FMN1: variants seen among roughly 807,000 people sequenced by gnomAD.
FMN1 encodes formin-1.
Under a neutral mutation model 132.4 loss-of-function variants are expected in FMN1, and 110 were observed. That is an observed-to-expected ratio of 0.83 (90% CI 0.71 to 0.97). The LOEUF (loss-of-function observed/expected upper bound fraction) is 0.97, where lower values mean the gene tolerates loss of function less well. Ranked by LOEUF, FMN1 falls within the 50% of genes least tolerant of loss-of-function variation. The pLI is 0.00. For missense variants in FMN1, 1,792 were observed against 1,705.3 expected (o/e 1.05, Z -0.90); for synonymous variants, 722 against 651.7 (o/e 1.11, Z -1.64).
chr15:32,934,667 C>T (rs1181546439), intron 9 of FMN1, among the ~76,000 whole-genome samples: 11 of 143,046 alleles, frequency 7.7e-5, no homozygotes, highest in Non-Finnish European at 1.3e-4. Context: ...AGTGCAATGG[C>T]GCAATCTTGG....
intron 4 of FMN1, among the ~76,000 whole-genome samples, chr15:33,118,778 T>C (rs974064133): frequency 6.6e-6 from 1 of 152,180 alleles, no homozygotes; most frequent in Non-Finnish European, 1.5e-5. Flanking sequence ...TGATACAGCA[T>C]TTTATTACAT....
rs190802781 is a variant in FMN1, at chr15:33,041,341, G to A, written c.2161+23616C>T. Among the ~76,000 whole-genome samples the A allele has an allele frequency of 2.1e-5, 3 of 146,202 alleles. No individual in the cohort carries two copies. In the East Asian group the frequency reaches 6.1e-4, roughly 30 times the overall value. ...TTAAAATCAGGAGTAACACAATAAT[G>A]TCTACTATTCACTTCTTGTTCAGCT... On this transcript the variant is annotated intron_variant, in intron 6 of 20. Transcript: ENST00000616417.
chr15:33,098,577 T>C (rs1161011178), intron 4 of FMN1, among the ~76,000 whole-genome samples: 12 of 152,194 alleles, frequency 7.9e-5, no homozygotes, highest in Admixed American at 7.9e-4. Flanking sequence ...TCCAGTATTC[T>C]TACACAGGCA....
chr15:32,871,095 A>G (rs556797974), intron 16 of FMN1, among the ~76,000 whole-genome samples: 1 of 152,248 alleles, frequency 6.6e-6, no homozygotes, highest in South Asian at 2.1e-4. Context: ...CCAGGCATGG[A>G]GGTACCGGGC....
intron 3 of FMN1, among the ~76,000 whole-genome samples, chr15:33,161,516 T>C (rs561834854): frequency 3.3e-5 from 5 of 152,274 alleles, no homozygotes; most frequent in African/African-American, 7.2e-5. Flanking sequence ...TAGTCCTAGA[T>C]GGCTTTGAAT....
At chr15:32,866,744 A>C (rs1173155379) in intron 16 of FMN1, among the ~76,000 whole-genome samples, 1 of 152,176 alleles carries the variant, frequency 6.6e-6, no homozygotes, top group Admixed American at 6.5e-5. Context: ...TGAAGTCACT[A>C]ATTAACCCAT....
intron 9 of FMN1, among the ~76,000 whole-genome samples, chr15:32,957,494 G>T (rs957405721): frequency 6.6e-6 from 1 of 151,650 alleles, no homozygotes. Flanking sequence ...ATACAAACAC[G>T]ATATGTACTA....
chr15:32,957,662 G>T (rs1256297121), intron 9 of FMN1, among the ~76,000 whole-genome samples: 1 of 152,050 alleles, frequency 6.6e-6, no homozygotes, highest in African/African-American at 2.4e-5. Context: ...AGATGTTTAA[G>T]AATTTCTTTC....
chr15:32,846,160 G>A (rs2141237814), intron 17 of FMN1, among the ~76,000 whole-genome samples: 1 of 152,286 alleles, frequency 6.6e-6, no homozygotes, highest in Admixed American at 6.5e-5. Flanking sequence ...ATTTGTTAAA[G>A]AGGGTAGAAT....
Position 32,848,930 on chromosome 15 carries a change from T to C in FMN1, c.3928+8085A>G, listed in dbSNP as rs895660659. On this transcript the variant is annotated intron_variant, in intron 17 of 20. Transcript: ENST00000616417. ...GCAGAACAGGCAACCTGTATGGGTG[T>C]TATGGTGAGGACCAGCTGAATATCA... Among the ~76,000 whole-genome samples, 3 of 151,506 alleles carry C rather than the reference T, an allele frequency of 2.0e-5. No individual in the cohort carries two copies. In the East Asian group the frequency reaches 5.8e-4, roughly 29 times the overall value.
At chr15:32,936,910 T>G (rs997455908) in intron 9 of FMN1, among the ~76,000 whole-genome samples, 10 of 152,198 alleles carry the variant, frequency 6.6e-5, no homozygotes, top group Non-Finnish European at 1.2e-4. Context: ...CTGTCTACTG[T>G]ACTGCAGGCC....
chr15:32,888,175 C>T lies in FMN1; in HGVS notation c.3832G>A (p.Glu1278Lys), dbSNP rs370021797. Reference protein sequence around the residue: ...KDLRKLKRQLEASEKQMVVVC... With the variant: ...KDLRKLKRQLKASEKQMVVVC... ...ATAGCAGAACAGTTCCTATTACCTTCTAGTTGCCTCTTCAGTTTTCTCAAA... is the reference window on the plus strand; with the variant it reads ...ATAGCAGAACAGTTCCTATTACCTTTTAGTTGCCTCTTCAGTTTTCTCAAA... The change falls in exon 16 of 21, where the codon GAA (glutamate) becomes AAA (lysine). Residue 1278 changes from glutamate to lysine, a missense_variant. Glu to Lys is a moderately conservative substitution (Grantham distance 56). Around this residue, in one of 3 missense-constraint regions of FMN1, gnomAD observed 1,150 missense variants for 1,043.1 expected, o/e 1.10. Transcript: ENST00000616417. 5.5e-5 allele frequency: 88 copies of T among 1,605,910 alleles called. No homozygotes were observed. In the Middle Eastern group the frequency reaches 9.9e-4, roughly 18 times the overall value.
At chr15:32,822,782 G>A (rs996680706) in intron 17 of FMN1, among the ~76,000 whole-genome samples, 1 of 152,000 alleles carries the variant, frequency 6.6e-6, no homozygotes, top group Non-Finnish European at 1.5e-5. Context: ...TTCTCTACTG[G>A]ATTCTTTTTT....
intron 9 of FMN1, among the ~76,000 whole-genome samples, chr15:32,936,459 G>A (rs2061273529): frequency 6.6e-6 from 1 of 152,102 alleles, no homozygotes; most frequent in African/African-American, 2.4e-5. Flanking sequence ...CAATTAGAGG[G>A]ATTTTGGTTT....
chr15:33,095,003 A>G lies in FMN1; in HGVS notation c.1868-6029T>C, dbSNP rs893145894. On this transcript the variant is annotated intron_variant, in intron 4 of 20. Transcript: ENST00000616417. ...AGATAATAAATGCTCAAAACATTAG[A>G]TGTTAGTACTTCAAATACTTAAGTG... is the stretch of plus-strand genomic sequence containing the variant. Among the ~76,000 whole-genome samples the G allele has an allele frequency of 2.0e-5, 3 of 152,230 alleles. No individual in the cohort carries two copies. The South Asian group carries it at 6.2e-4, about 32-fold the overall frequency.
At chr15:33,011,530 C>A (rs1052163604) in intron 6 of FMN1, among the ~76,000 whole-genome samples, 6 of 130,468 alleles carry the variant, frequency 4.6e-5, no homozygotes, top group Non-Finnish European at 1.0e-4. Context: ...AAAAAGATTT[C>A]TTAATATTCA....
chr15:32,864,777 A>G (rs1172545376), intron 16 of FMN1, among the ~76,000 whole-genome samples: 2 of 152,242 alleles, frequency 1.3e-5, no homozygotes, highest in Non-Finnish European at 2.9e-5. Flanking sequence ...CATAGTGTCT[A>G]TGCCTCAAAA....
chr15:33,032,797 G>A (rs2035996994), intron 6 of FMN1, among the ~76,000 whole-genome samples: 2 of 152,242 alleles, frequency 1.3e-5, no homozygotes, highest in Admixed American at 1.3e-4. Context: ...ATACCCAGAA[G>A]GCCTGGTTCA....
intron 4 of FMN1, among the ~76,000 whole-genome samples, chr15:33,141,945 C>T (rs1456628516): frequency 6.6e-6 from 1 of 152,118 alleles, no homozygotes; most frequent in East Asian, 1.9e-4. Context: ...GGGTGGCGCA[C>T]ACAGCATACA....
Sources: allele counts gnomAD v4.1 joint callset (sites outside exome capture counted in the v4.1 genomes callset), GRCh38; gene constraint gnomAD v4.1.1; regional missense constraint gnomAD v4.1.1; transcripts MANE v1.5; gene names NCBI Gene and HGNC (gene_info 2026-07-23, HGNC 2026-07-21).